SHANK2: variants seen among roughly 807,000 people sequenced by gnomAD.
The protein encoded by SHANK2 is SH3 and multiple ankyrin repeat domains 2, also known as SH3 and multiple ankyrin repeat domains protein 2.
Under a neutral mutation model 133.7 loss-of-function variants are expected in SHANK2, and 43 were observed. The ratio of observed to expected loss-of-function variants is 0.32; its 90% CI spans 0.25 to 0.41. SHANK2 has a LOEUF of 0.41. Among genes scored for constraint, SHANK2 ranks in the 10% least tolerant of loss-of-function variants. SHANK2 has a pLI of 1.00. For synonymous variants in SHANK2, 1,017 were observed against 952.8 expected, an observed-to-expected ratio of 1.07 and a Z score of -1.24; for missense variants, 1,994 against 2,235.8, an observed-to-expected ratio of 0.89 and a Z score of 2.18.
chr11:71,229,673 T>C (rs1232416161), intron 1 of SHANK2, among the ~76,000 whole-genome samples: 2 of 145,998 alleles, frequency 1.4e-5, no homozygotes, highest in African/African-American at 5.1e-5. Flanking sequence ...GGCAGGAGAA[T>C]AGCCTGAACC....
intron 6 of SHANK2, among the ~76,000 whole-genome samples, chr11:71,104,366 C>A (rs1040318978): frequency 4.6e-5 from 7 of 152,210 alleles, no homozygotes; most frequent in Non-Finnish European, 8.8e-5. Context: ...ACAGGGCCCC[C>A]CCCATCCTGC....
At chr11:71,238,941 G>T (rs1214647375) in intron 1 of SHANK2, among the ~76,000 whole-genome samples, 2 of 152,336 alleles carry the variant, frequency 1.3e-5, no homozygotes, top group African/African-American at 4.8e-5. Flanking sequence ...GGTGTTTCTC[G>T]TAAGGTGGGA....
At chr11:71,087,704 C>A (rs1280869449) in intron 8 of SHANK2, among the ~76,000 whole-genome samples, 2 of 152,164 alleles carry the variant, frequency 1.3e-5, no homozygotes, top group Admixed American at 6.5e-5. Flanking sequence ...TATCGGCTCA[C>A]TATAACCTCT....
chr11:70,938,601 G>A (rs1950602357), intron 10 of SHANK2, among the ~76,000 whole-genome samples: 1 of 152,200 alleles, frequency 6.6e-6, no homozygotes, highest in South Asian at 2.1e-4. Context: ...TGAGGAATGT[G>A]CTGAGCACAG....
Position 71,175,593 on chromosome 11 carries a change from A to G in SHANK2, c.-12-28255T>C, listed in dbSNP as rs1486674867. Among the ~76,000 whole-genome samples the G allele has an allele frequency of 6.7e-6, 1 of 149,376 alleles. No individual in the cohort carries two copies. The highest frequency in any genetic ancestry group is 6.7e-5 in the Admixed American group (1 of 15,016). The stretch of plus-strand genomic sequence containing the variant: ...GAGAGAGAGAGAGAGAGAGAGAGAG[A>G]GAGAGAGAGACAGAGACAGAGACAT... On this transcript the variant is annotated intron_variant, in intron 2 of 25. Transcript: ENST00000601538. This position sits in a 1 kb window ranked among gnomAD's most constrained non-coding sequence, Gnocchi z 4.2.
intron 17 of SHANK2, among the ~76,000 whole-genome samples, chr11:70,527,838 AAGGGCAG>A (rs1227167269): frequency 6.6e-6 from 1 of 152,218 alleles, no homozygotes; most frequent in Non-Finnish European, 1.5e-5. Context: ...GACCAGGGCA[AAGGGCAG>A]AGAGGAGGCT....
chr11:70,558,145 A>T (rs1308865131), intron 17 of SHANK2, among the ~76,000 whole-genome samples: 2 of 152,012 alleles, frequency 1.3e-5, no homozygotes, highest in African/African-American at 2.4e-5. Flanking sequence ...CTTTCTGGGG[A>T]TTCTCGGAGA....
At chr11:71,177,928 G>C (rs781885853) in intron 2 of SHANK2, among the ~76,000 whole-genome samples, 32 of 152,196 alleles carry the variant, frequency 2.1e-4, no homozygotes, top group Admixed American at 6.5e-4. Flanking sequence ...AGTGGAAAAT[G>C]ACACATTTGG....
chr11:71,058,248 G>A (rs36189518), intron 9 of SHANK2, among the ~76,000 whole-genome samples: 1 of 151,956 alleles, frequency 6.6e-6, no homozygotes, highest in Non-Finnish European at 1.5e-5. Flanking sequence ...TGATTGGGCA[G>A]CTACCATTTG....
At chr11:71,073,390 T>C (rs1951175924) in intron 9 of SHANK2, among the ~76,000 whole-genome samples, 1 of 151,898 alleles carries the variant, frequency 6.6e-6, no homozygotes. Flanking sequence ...AACTCTGACC[T>C]CAAGCAATCC....
chr11:70,657,554 G>C (rs1289946682), intron 17 of SHANK2, among the ~76,000 whole-genome samples: 1 of 152,216 alleles, frequency 6.6e-6, no homozygotes, highest in South Asian at 2.1e-4. Context: ...GATCGTGCAA[G>C]GGTCCAGCTG....
chr11:70,487,591 G>A lies in SHANK2; in HGVS notation c.2702C>T (p.Pro901Leu). 6.2e-7 allele frequency: 1 copy of A among 1,612,878 alleles called. No individual in the cohort carries two copies. The highest frequency in any genetic ancestry group is 8.5e-7 in the Non-Finnish European group (1 of 1,179,472). The change falls in exon 25 of 26, where the codon CCT becomes CTT. Residue 901 changes from proline to leucine, a missense_variant. By Grantham distance (98) the Pro-to-Leu change is moderately conservative. This residue lies in a region of SHANK2 where 488 missense variants were observed against 642.6 expected (regional missense o/e 0.76). Transcript: ENST00000601538. The surrounding 1 kb of genome is among the most constrained non-coding windows in gnomAD (Gnocchi z 5.8). The stretch of plus-strand genomic sequence containing the variant: ...GGGGCAGTTGTAAGTGGTTGGGGAA[G>A]GTGGTGGTGGGGACGGGGGCACAGA... ...PQSVPPSPPPPSPTTYNCPKS... is the reference protein window; with the variant it reads ...PQSVPPSPPPLSPTTYNCPKS...
intron 8 of SHANK2, among the ~76,000 whole-genome samples, chr11:71,086,195 AAAT>A: frequency 8.6e-5 from 1 of 11,654 alleles, no homozygotes; most frequent in Admixed American, 2.0e-3. Context: ...ATAATATATT[AAAT>A]TATATAATAT....
chr11:70,877,807 G>A (rs563217590), intron 11 of SHANK2, among the ~76,000 whole-genome samples: 10 of 152,282 alleles, frequency 6.6e-5, no homozygotes, highest in East Asian at 1.9e-4. Context: ...ACGGATAGAC[G>A]GGCACATTCT....
In SHANK2 at chr11:70,500,784, G is replaced by T. The variant is rs1555158295; in HGVS notation, c.2288-194C>A. On this transcript the variant is annotated intron_variant, in intron 20 of 25. Transcript: ENST00000601538. This position sits in a 1 kb window ranked among gnomAD's most constrained non-coding sequence, Gnocchi z 4.5. ...GAGTGGCTTTCCCCAAACCTTGGCT[G>T]CCCGCACAACTCTGTCCTGTCTGCC... The T allele has an allele frequency of 1.3e-6, 1 of 760,330 alleles. No individual in the cohort carries two copies. Among genetic ancestry groups the T allele is most frequent in the South Asian group, 1.5e-5 (1 of 67,624 alleles). 47.1% of individuals were successfully genotyped at this position (760,330 alleles called of 1,614,324 possible).
At chr11:70,508,782 G>GT (rs2059164367) in intron 17 of SHANK2, among the ~76,000 whole-genome samples, 2 of 152,176 alleles carry the variant, frequency 1.3e-5, no homozygotes, top group Admixed American at 1.3e-4. Flanking sequence ...CCAGCTACTT[G>GT]GGAGGCTGAG....
rs557075890 is a variant in SHANK2 at position 71,204,527 on chromosome 11, G to A, written c.-13+20170C>T. On this transcript the variant is annotated intron_variant, in intron 2 of 25. Transcript: ENST00000601538. ...CCGCTTGCTCACCTCCTCTCCCCTG[G>A]GTGAAGGCTGCGGCAAGGGACTCCC... 5.3e-5 allele frequency among the ~76,000 whole-genome samples: 8 copies of A among 152,288 alleles called. 1 individual carries two copies. The East Asian group carries it at 1.6e-3, about 30-fold the overall frequency.
intron 17 of SHANK2, 90 bp from the exon 18 acceptor site, chr11:70,503,021 T>C: frequency 6.9e-7 from 1 of 1,447,376 alleles, no homozygotes; most frequent in Non-Finnish European, 9.7e-7. Context: ...TGTGGGCTCC[T>C]AAAAAGGGGG....
At chr11:70,846,354 C>G (rs1555063403) in intron 11 of SHANK2, among the ~76,000 whole-genome samples, 2 of 152,174 alleles carry the variant, frequency 1.3e-5, no homozygotes, top group Non-Finnish European at 2.9e-5. Context: ...GCCTCAACCT[C>G]CCAGGCTCAA....
Sources: allele counts gnomAD v4.1 joint callset (sites outside exome capture counted in the v4.1 genomes callset), GRCh38; gene constraint gnomAD v4.1.1; regional missense constraint gnomAD v4.1.1; non-coding constraint Gnocchi (gnomAD v3.1); transcripts MANE v1.5; gene names NCBI Gene and HGNC (gene_info 2026-07-23, HGNC 2026-07-21).